CAMSAP1: variants seen among roughly 807,000 people sequenced by gnomAD.
The protein encoded by CAMSAP1 is calmodulin regulated spectrin associated protein 1.
CAMSAP1 carries 58 observed loss-of-function variants against 143.5 expected under a neutral mutation model. The observed-to-expected ratio is 0.40, with a 90% CI of 0.33 to 0.50. The LOEUF (loss-of-function observed/expected upper bound fraction) is 0.50, where lower values mean the gene tolerates loss of function less well. CAMSAP1 is among the 20% of genes least tolerant of loss of function. The pLI, the probability that CAMSAP1 is intolerant of heterozygous loss-of-function variation, is 0.45. For synonymous variants in CAMSAP1, 945 were observed against 859.3 expected (o/e 1.10, Z -1.74); for missense variants, 1,969 against 2,115.7 (o/e 0.93, Z 1.36).
chr9:135,902,317 G>A (rs1372496983), intron 1 of CAMSAP1, among the ~76,000 whole-genome samples: 4 of 152,204 alleles, frequency 2.6e-5, no homozygotes. Flanking sequence ...TCAGAAATGT[G>A]GCAATGTGCT....
rs1837989066 is a variant in CAMSAP1 at position 135,882,355 on chromosome 9, A to G, written c.423+461T>C. Among the ~76,000 whole-genome samples, 1 of 152,096 alleles carries G rather than the reference A, an allele frequency of 6.6e-6. No homozygotes were observed. The highest frequency in any genetic ancestry group is 1.5e-5 in the Non-Finnish European group (1 of 68,032). ...CAAAGGCAGTGCAGGAGGCACCGAG[A>G]ATGGCCCTGACCCAGAACGCTCTGG... On this transcript the variant is annotated intron_variant, in intron 2 of 16. Coordinates refer to ENST00000389532, the MANE Select transcript of CAMSAP1 (RefSeq NM_015447.4). The surrounding 1 kb of genome is among the most constrained non-coding windows in gnomAD (Gnocchi z 4.9).
chr9:135,812,655 G>A (rs764606824), intron 16 of CAMSAP1, among the ~76,000 whole-genome samples: 2 of 152,156 alleles, frequency 1.3e-5, no homozygotes, highest in Admixed American at 6.5e-5. Flanking sequence ...TGAATTTTAC[G>A]GTATGTGAAT....
chr9:135,816,488 G>C (rs974742531), intron 14 of CAMSAP1, among the ~76,000 whole-genome samples: 3 of 152,234 alleles, frequency 2.0e-5, no homozygotes, highest in African/African-American at 4.8e-5. Context: ...CCACCCTGCA[G>C]GGAAGTCTCC....
At chr9:135,813,887 G>A (rs1490913788) in intron 16 of CAMSAP1, among the ~76,000 whole-genome samples, 1 of 152,236 alleles carries the variant, frequency 6.6e-6, no homozygotes, top group Non-Finnish European at 1.5e-5. Flanking sequence ...TGGCCCACAG[G>A]CTGCTGTGGA....
At position 135,855,818 on chromosome 9, in the gene CAMSAP1, C is replaced by T. The variant is rs555528860; in HGVS notation, c.809-5357G>A. Among the ~76,000 whole-genome samples, 101 of 150,902 alleles carry T rather than the reference C, an allele frequency of 6.7e-4. 1 individual carries two copies. The highest frequency in any genetic ancestry group is 6.5e-3 in the South Asian group (31 of 4,762). On this transcript the variant is annotated intron_variant, in intron 5 of 16. Coordinates refer to ENST00000389532, the MANE Select transcript of CAMSAP1 (RefSeq NM_015447.4). ...CTGTAATCCCAGCACTTTGGGAGGC[C>T]GAGGCGGGCGGATCACAAGGTCAGG...
At position 135,844,765 on chromosome 9, in the gene CAMSAP1, C is replaced by T. The variant is rs964071323; in HGVS notation, c.1045+5372G>A. 8.5e-5 allele frequency among the ~76,000 whole-genome samples: 13 copies of T among 152,158 alleles called. No individual in the cohort carries two copies. In the East Asian group the frequency reaches 1.2e-3, roughly 14 times the overall value. On this transcript the variant is annotated intron_variant, in intron 7 of 16. Coordinates refer to ENST00000389532, the MANE Select transcript of CAMSAP1 (RefSeq NM_015447.4). ...CTCAGTGCAAATAAAACTAGAAAATCTAGAAGAAACAGATAAATTCCTGGA... is the reference window on the plus strand; with the variant it reads ...CTCAGTGCAAATAAAACTAGAAAATTTAGAAGAAACAGATAAATTCCTGGA...
intron 5 of CAMSAP1, among the ~76,000 whole-genome samples, chr9:135,854,395 G>C (rs985935799): frequency 6.6e-6 from 1 of 152,052 alleles, no homozygotes; most frequent in Admixed American, 6.5e-5. Context: ...AAAACAATAA[G>C]CTTTTAGTTT....
chr9:135,865,093 TAAA>T (rs1837328202), intron 4 of CAMSAP1, among the ~76,000 whole-genome samples: 2 of 152,292 alleles, frequency 1.3e-5, no homozygotes, highest in South Asian at 4.1e-4. Flanking sequence ...GTTGATCACT[TAAA>T]GAAGTAACTA....
intron 7 of CAMSAP1, among the ~76,000 whole-genome samples, chr9:135,834,551 G>C (rs1438673038): frequency 6.6e-6 from 1 of 152,206 alleles, no homozygotes; most frequent in South Asian, 2.1e-4. Flanking sequence ...GCCAGACACA[G>C]AAAGAAAAAT....
At chr9:135,901,682 G>C (rs1838623013) in intron 1 of CAMSAP1, among the ~76,000 whole-genome samples, 2 of 152,064 alleles carry the variant, frequency 1.3e-5, no homozygotes, top group African/African-American at 4.8e-5. Context: ...CTCTCAGGTA[G>C]AACACCTGTC....
intron 6 of CAMSAP1, 33 bp downstream of exon 6, chr9:135,850,289 T>C: frequency 1.9e-6 from 3 of 1,611,776 alleles, no homozygotes; most frequent in Non-Finnish European, 2.5e-6. Flanking sequence ...CACACATGGT[T>C]TTAAAACTGC....
At chr9:135,879,226 G>T (rs1483021041) in intron 3 of CAMSAP1, among the ~76,000 whole-genome samples, 1 of 152,092 alleles carries the variant, frequency 6.6e-6, no homozygotes, top group East Asian at 1.9e-4. Flanking sequence ...AAATACAGAG[G>T]TAGAAACGAG....
intron 3 of CAMSAP1, among the ~76,000 whole-genome samples, chr9:135,873,787 A>C (rs10081717): frequency 0.15 from 22,837 of 152,118 alleles, 2,223 homozygotes; most frequent in East Asian, 0.35. Flanking sequence ...AAAATCGTCT[A>C]AGAAAACTCC....
At chr9:135,854,938 G>A (rs1836901138) in intron 5 of CAMSAP1, among the ~76,000 whole-genome samples, 1 of 151,914 alleles carries the variant, frequency 6.6e-6, no homozygotes, top group African/African-American at 2.4e-5. Context: ...CACCCTCAAG[G>A]AGACCCCAGT....
chr9:135,841,171 G>A (rs767415715), intron 7 of CAMSAP1, among the ~76,000 whole-genome samples: 6 of 152,130 alleles, frequency 3.9e-5, no homozygotes, highest in Non-Finnish European at 5.9e-5. Context: ...GAGGAGGGAC[G>A]TCCACCATTA....
chr9:135,876,854 C>T (rs1311094736), intron 3 of CAMSAP1, among the ~76,000 whole-genome samples: 1 of 151,900 alleles, frequency 6.6e-6, no homozygotes, highest in Admixed American at 6.6e-5. Context: ...ACTAAAAATA[C>T]AAAAATTAGC....
chr9:135,859,608 G>A (rs1191884853), intron 5 of CAMSAP1, among the ~76,000 whole-genome samples: 4 of 151,810 alleles, frequency 2.6e-5, no homozygotes, highest in Non-Finnish European at 5.9e-5. Flanking sequence ...TAGCCAGGAT[G>A]GTCTTGATCT....
intron 7 of CAMSAP1, among the ~76,000 whole-genome samples, chr9:135,842,124 A>G (rs1588464811): frequency 6.6e-6 from 1 of 152,228 alleles, no homozygotes; most frequent in Non-Finnish European, 1.5e-5. Context: ...GGAATTGCTA[A>G]CTAGAATAAC....
chr9:135,853,968 C>T (rs534620667), intron 5 of CAMSAP1, among the ~76,000 whole-genome samples: 179 of 152,336 alleles, frequency 1.2e-3, no homozygotes, highest in African/African-American at 3.9e-3. Flanking sequence ...GTTCAATTTG[C>T]GCTAATATTT....
Sources: gnomAD v4.1 joint callset for allele counts (sites outside exome capture counted in the v4.1 genomes callset) on GRCh38, gnomAD v4.1.1 for gene constraint, Gnocchi (gnomAD v3.1) non-coding constraint, MANE v1.5 for transcripts, NCBI Gene and HGNC (gene_info 2026-07-23, HGNC 2026-07-21) for gene names.